Variants in TSC22D1 observed in about 807,000 individuals in gnomAD.
The protein encoded by TSC22D1 is TSC22 domain family protein 1.
In TSC22D1, 9 loss-of-function variants were observed where a neutral mutation model predicts 74.2. The observed-to-expected ratio is 0.12, with a 90% CI of 0.07 to 0.21. TSC22D1 has a LOEUF of 0.21. Ranked by LOEUF, TSC22D1 falls within the 10% of genes least tolerant of loss-of-function variation. The pLI is 1.00. For missense variants in TSC22D1, 1,427 were observed against 1,304.7 expected (o/e 1.09, Z -1.44); for synonymous variants, 586 against 492.5 (o/e 1.19, Z -2.51).
At chr13:44,516,378 T>C (rs1879983537) in intron 1 of TSC22D1, 1 of 439,662 alleles carries the variant, frequency 2.3e-6, no homozygotes, top group Non-Finnish European at 4.4e-6. Context: ...TAATAGTCTT[T>C]TTAAAATCTC....
rs529536077 is a variant in TSC22D1 at position 44,527,876 on chromosome 13, A to C, written c.2912+45287T>G. On this transcript the variant is annotated intron_variant, in intron 1 of 2. Transcript: ENST00000458659. ...ATAGGGACAGATATGCTATGCTAAC[A>C]CTAATCAAAACAAAGTGGGAATAAC... Among the ~76,000 whole-genome samples, 147 of 152,246 alleles carry C rather than the reference A, an allele frequency of 9.7e-4. 2 individuals are homozygous for C. Among genetic ancestry groups the C allele is most frequent in the African/African-American group, 3.5e-3 (144 of 41,578 alleles).
chr13:44,483,012 C>T (rs1314277553), intron 1 of TSC22D1, among the ~76,000 whole-genome samples: 1 of 152,142 alleles, frequency 6.6e-6, no homozygotes, highest in African/African-American at 2.4e-5. Context: ...TATTCCTAAT[C>T]AGTACATTAT....
chr13:44,436,727 G>A, intron 1 of TSC22D1: 2 of 1,499,412 alleles, frequency 1.3e-6, no homozygotes, highest in Middle Eastern at 1.8e-4. Flanking sequence ...AGCCCAGGGA[G>A]AAACAGAAAA....
At chr13:44,474,305 T>A (rs552582430) in intron 1 of TSC22D1, 1 of 984,942 alleles carries the variant, frequency 1.0e-6, no homozygotes, top group African/African-American at 1.7e-5. Flanking sequence ...CAGGCCCAAC[T>A]GACACTCCTG....
chr13:44,557,094 G>C (rs1882695142), intron 1 of TSC22D1, among the ~76,000 whole-genome samples: 1 of 150,608 alleles, frequency 6.6e-6, no homozygotes, highest in East Asian at 2.0e-4. Flanking sequence ...GGTGAGCCGA[G>C]ATCGCACCAT....
chr13:44,448,343 G>A (rs1014724983), intron 1 of TSC22D1, among the ~76,000 whole-genome samples: 8 of 152,102 alleles, frequency 5.3e-5, no homozygotes, highest in African/African-American at 1.9e-4. Context: ...TAAAAGACCT[G>A]GTAGGAACTA....
At chr13:44,451,898 G>A (rs1876167513) in intron 1 of TSC22D1, among the ~76,000 whole-genome samples, 1 of 152,194 alleles carries the variant, frequency 6.6e-6, no homozygotes, top group Non-Finnish European at 1.5e-5. Flanking sequence ...GGCTGACCGA[G>A]GAGAGGACTG....
At position 44,452,589 on chromosome 13, in the gene TSC22D1, A is replaced by T. The variant is rs543619955; in HGVS notation, c.2913-16494T>A. On this transcript the variant is annotated intron_variant, in intron 1 of 2. Coordinates refer to ENST00000458659, the MANE Select transcript of TSC22D1 (RefSeq NM_183422.4). ...ATGGGGAAGGGTGAGTATGTCTTACAAAGTAACTTGGCTACACTCTAGGGA... is the reference window on the plus strand; with the variant it reads ...ATGGGGAAGGGTGAGTATGTCTTACTAAGTAACTTGGCTACACTCTAGGGA... 2.6e-4 allele frequency: 40 copies of T among 152,450 alleles called. 1 individual carries two copies. The highest frequency in any genetic ancestry group is 2.4e-3 in the Admixed American group (37 of 15,296). 9.4% of individuals were successfully genotyped at this position (152,450 alleles called of 1,614,324 possible).
chr13:44,457,255 G>A (rs144957041), intron 1 of TSC22D1, among the ~76,000 whole-genome samples: 1,584 of 152,294 alleles, frequency 0.01, 14 homozygotes, highest in Non-Finnish European at 0.016. Flanking sequence ...AGTTCGGCAC[G>A]TTTGTTACTC....
intron 1 of TSC22D1, among the ~76,000 whole-genome samples, chr13:44,545,984 AAAAT>A (rs1566165750): frequency 1.3e-5 from 2 of 151,718 alleles, no homozygotes; most frequent in South Asian, 2.1e-4. Context: ...CTCAAAAAAA[AAAAT>A]AAATAAATAA....
At chr13:44,454,742 A>G (rs1049901207) in intron 1 of TSC22D1, among the ~76,000 whole-genome samples, 4 of 152,130 alleles carry the variant, frequency 2.6e-5, no homozygotes, top group Admixed American at 6.5e-5. Context: ...AGGTACCATT[A>G]TTATTCCCAT....
intron 1 of TSC22D1, among the ~76,000 whole-genome samples, chr13:44,548,194 C>T (rs1431445308): frequency 6.6e-6 from 1 of 152,212 alleles, no homozygotes; most frequent in African/African-American, 2.4e-5. Context: ...TTTTGATTAA[C>T]AACTGAGTAC....
chr13:44,564,447 C>T (rs1883239722), intron 1 of TSC22D1, among the ~76,000 whole-genome samples: 1 of 152,066 alleles, frequency 6.6e-6, no homozygotes, highest in African/African-American at 2.4e-5. Context: ...GAGGCAGCCT[C>T]TCAAAAAGTG....
intron 1 of TSC22D1, among the ~76,000 whole-genome samples, chr13:44,488,858 C>A (rs2137951978): frequency 6.6e-6 from 1 of 152,108 alleles, no homozygotes; most frequent in South Asian, 2.1e-4. Flanking sequence ...TATCGAAAAT[C>A]CCCAAATTCA....
At chr13:44,454,835 A>T (rs1876440133) in intron 1 of TSC22D1, among the ~76,000 whole-genome samples, 1 of 137,816 alleles carries the variant, frequency 7.3e-6, no homozygotes, top group African/African-American at 2.5e-5. Context: ...AAAGCAAAAA[A>T]TACTTCTGCA....
At chr13:44,507,652 A>G (rs984437384) in intron 1 of TSC22D1, among the ~76,000 whole-genome samples, 3 of 152,210 alleles carry the variant, frequency 2.0e-5, no homozygotes, top group Non-Finnish European at 2.9e-5. Context: ...TGTAATGTCA[A>G]TTTTATTCAT....
At chr13:44,478,230 A>G (rs998911792) in intron 1 of TSC22D1, among the ~76,000 whole-genome samples, 21 of 152,154 alleles carry the variant, frequency 1.4e-4, no homozygotes, top group African/African-American at 3.4e-4. Flanking sequence ...ATTAAAATTT[A>G]CTCACATTTA....
intron 1 of TSC22D1, among the ~76,000 whole-genome samples, chr13:44,474,021 G>A (rs1877756776): frequency 6.6e-6 from 1 of 152,138 alleles, no homozygotes; most frequent in Non-Finnish European, 1.5e-5. Flanking sequence ...AATCCTCCAA[G>A]TGATTTTTAA....
chr13:44,463,117 T>G (rs980457983), intron 1 of TSC22D1, among the ~76,000 whole-genome samples: 1 of 152,162 alleles, frequency 6.6e-6, no homozygotes, highest in African/African-American at 2.4e-5. Context: ...AAGAAAATAT[T>G]GCCTATGAGT....
Sources: gnomAD v4.1 joint callset for allele counts (sites outside exome capture counted in the v4.1 genomes callset) on GRCh38, gnomAD v4.1.1 for gene constraint, MANE v1.5 for transcripts, NCBI Gene and HGNC (gene_info 2026-07-23, HGNC 2026-07-21) for gene names.